Variants in SAR1B observed in about 807,000 individuals in gnomAD.
SAR1B encodes small COPII coat GTPase SAR1B.
In SAR1B, 23 loss-of-function variants were observed where a neutral mutation model predicts 26.8. That is an observed-to-expected ratio of 0.86 (90% confidence interval 0.62 to 1.22). The LOEUF is 1.22. Among genes scored for constraint, SAR1B ranks in the 50% most tolerant of loss-of-function variants. The pLI is 0.00. For missense variants in SAR1B, 196 were observed against 232.8 expected, an observed-to-expected ratio of 0.84 and a Z score of 1.03; for synonymous variants, 65 against 80.8, an observed-to-expected ratio of 0.80 and a Z score of 1.05.
intron 3 of SAR1B, among the ~76,000 whole-genome samples, chr5:134,617,116 G>A (rs562413860): frequency 3.3e-5 from 5 of 152,000 alleles, no homozygotes; most frequent in East Asian, 3.9e-4. Flanking sequence ...CCTGTAGTTC[G>A]AGCTACTTGG....
chr5:134,611,668 A>T (rs747707958), intron 4 of SAR1B, among the ~76,000 whole-genome samples: 2 of 152,158 alleles, frequency 1.3e-5, no homozygotes, highest in African/African-American at 2.4e-5. Context: ...CATGTACACA[A>T]ATATACTAAG....
intron 2 of SAR1B, among the ~76,000 whole-genome samples, chr5:134,621,562 C>A (rs1345872770): frequency 6.6e-6 from 1 of 151,950 alleles, no homozygotes; most frequent in Non-Finnish European, 1.5e-5. Context: ...CAAACTTCAA[C>A]CCAGTCAATA....
chr5:134,616,967 C>T (rs556920943), intron 3 of SAR1B, among the ~76,000 whole-genome samples: 54 of 152,256 alleles, frequency 3.5e-4, no homozygotes, highest in Admixed American at 2.5e-3. Flanking sequence ...TATGGTGGCT[C>T]ACACTTGTAA....
chr5:134,607,210 C>A, intron 6 of SAR1B, 144 bp from the exon 7 acceptor site: 1 of 705,604 alleles, frequency 1.4e-6, no homozygotes, highest in East Asian at 2.7e-5. Context: ...GCTTGGCATC[C>A]AAGCCCCATG....
At chr5:134,616,433 G>C (rs1310571899) in intron 3 of SAR1B, among the ~76,000 whole-genome samples, 1 of 140,300 alleles carries the variant, frequency 7.1e-6, no homozygotes, top group Non-Finnish European at 1.5e-5. Context: ...GCGAGACTTT[G>C]TCTCAAAAAA....
chr5:134,624,870 C>A (rs1008234893), intron 1 of SAR1B, among the ~76,000 whole-genome samples: 2 of 152,206 alleles, frequency 1.3e-5, no homozygotes, highest in Middle Eastern at 3.4e-3. Flanking sequence ...TCAAGTGATT[C>A]GCCTGCCTCA....
Position 134,612,729 on chromosome 5 carries a change from A to C in SAR1B, c.206T>G (p.Met69Arg), listed in dbSNP as rs1056753847. Reference sequence around the variant, plus strand: ...ACCCAGATCAAAAGTTGTAAACGTCATGCCAGCAATGGTCAGTTCTTCGGA... The same window carrying C: ...ACCCAGATCAAAAGTTGTAAACGTCCTGCCAGCAATGGTCAGTTCTTCGGA... The part of the protein sequence containing the change: ...PTSEELTIAG[M>R]TFTTFDLGGH... Residue 69 changes from methionine (M) to arginine (R), a missense_variant, in exon 4 of 7, where the codon ATG becomes AGG. Coordinates refer to ENST00000402673, the MANE Select transcript of SAR1B (RefSeq NM_016103.4). 1 of 1,586,512 alleles carries C rather than the reference A, an allele frequency of 6.3e-7. No individual in the cohort carries two copies. Among genetic ancestry groups the C allele is most frequent in the Non-Finnish European group, 8.6e-7 (1 of 1,165,952 alleles).
intron 5 of SAR1B, chr5:134,609,161 A>G (rs1445823463): frequency 8.8e-6 from 4 of 455,544 alleles, no homozygotes; most frequent in African/African-American, 2.0e-5. Flanking sequence ...AGGTAGCTAC[A>G]TATGCCTCTG....
intron 4 of SAR1B, among the ~76,000 whole-genome samples, chr5:134,612,117 GTTTT>G (rs1201510150): frequency 1.3e-5 from 2 of 152,106 alleles, no homozygotes; most frequent in Non-Finnish European, 2.9e-5. Flanking sequence ...GCCACTGAAG[GTTTT>G]TTTGTTTTGT....
chr5:134,611,723 C>T (rs191796090), intron 4 of SAR1B, among the ~76,000 whole-genome samples: 188 of 152,094 alleles, frequency 1.2e-3, no homozygotes, highest in African/African-American at 4.2e-3. Flanking sequence ...GAATGGCTTC[C>T]CAAGGGAGGT....
At position 134,609,679 on chromosome 5, in the gene SAR1B, CA is replaced by C. The variant is rs781069045; in HGVS notation, c.245-6del. The C allele has an allele frequency of 5.0e-6, 8 of 1,611,272 alleles. No homozygotes were observed. Among genetic ancestry groups the C allele is most frequent in the Non-Finnish European group, 6.8e-6 (8 of 1,177,450 alleles). ...AGTTTTTCCACACTCTTCGAGCTAA[CA>C]AAAACAATCAGGGGTTAGAGTTTAC... On this transcript the variant is annotated splice_region_variant and splice_polypyrimidine_tract_variant and intron_variant, in intron 4 of 6. Coordinates refer to ENST00000402673, the MANE Select transcript of SAR1B (RefSeq NM_016103.4).
intron 3 of SAR1B, among the ~76,000 whole-genome samples, chr5:134,615,211 A>T (rs899887869): frequency 6.6e-6 from 1 of 151,596 alleles, no homozygotes; most frequent in African/African-American, 2.4e-5. Context: ...AGCTGGGTGC[A>T]GCGGCAGGTG....
At position 134,603,147 on chromosome 5, in the gene SAR1B, A is replaced by C. The variant is rs539104044; in HGVS notation, c.*3803T>G. On this transcript the variant is annotated 3_prime_UTR_variant, in exon 7 of 7. Coordinates refer to ENST00000402673, the MANE Select transcript of SAR1B (RefSeq NM_016103.4). ...ACAATATGCTCCAAATTAAATGAAC[A>C]GAAGGAATTTTGAGAGATTTCCCCT... 1 of 152,370 alleles carries C rather than the reference A, an allele frequency of 6.6e-6. No homozygotes were observed. Among genetic ancestry groups the C allele is most frequent in the African/African-American group, 2.4e-5 (1 of 41,594 alleles). 9.4% of individuals were successfully genotyped at this position (152,370 alleles called of 1,614,324 possible). A position where few individuals can be genotyped will look rare whatever the true frequency, so the allele number is the denominator to read the frequency against.
intron 3 of SAR1B, among the ~76,000 whole-genome samples, chr5:134,619,118 T>A (rs903371564): frequency 6.6e-6 from 1 of 150,526 alleles, no homozygotes; most frequent in Non-Finnish European, 1.5e-5. Flanking sequence ...TCATCTGAGG[T>A]CGGGAGTTTG....
chr5:134,619,964 G>C (rs1047153958), intron 3 of SAR1B, among the ~76,000 whole-genome samples: 1 of 151,924 alleles, frequency 6.6e-6, no homozygotes, highest in African/African-American at 2.4e-5. Context: ...CTACATGACA[G>C]AGCAAGACCC....
In SAR1B at chr5:134,601,618, C is replaced by T. The variant is rs1260088983; in HGVS notation, c.*5332G>A. The T allele has an allele frequency of 1.3e-5, 2 of 152,156 alleles. No individual in the cohort carries two copies. The highest frequency in any genetic ancestry group is 2.9e-5 in the Non-Finnish European group (2 of 68,036). The allele number at this position is 152,156 out of a possible 1,614,324, so 9.4% of individuals were successfully genotyped here. ...AGCAACACCAGGGAATACAGAAACC[C>T]ACGTTAAGTTGGCCATTCTGACATG... On this transcript the variant is annotated 3_prime_UTR_variant, in exon 7 of 7. Coordinates refer to ENST00000402673, the MANE Select transcript of SAR1B (RefSeq NM_016103.4).
At chr5:134,622,767 T>G (rs1271539178) in intron 2 of SAR1B, among the ~76,000 whole-genome samples, 8 of 151,324 alleles carry the variant, frequency 5.3e-5, no homozygotes, top group Non-Finnish European at 1.0e-4. Context: ...ATAAGCACTA[T>G]TATATAAATA....
intron 3 of SAR1B, 120 bp from the exon 4 acceptor site, chr5:134,612,876 ACTT>A (rs1765243754): frequency 1.1e-6 from 1 of 899,434 alleles, no homozygotes; most frequent in Non-Finnish European, 1.7e-6. Flanking sequence ...ATAAATAGTA[ACTT>A]CTCTTAGAAG....
intron 4 of SAR1B, among the ~76,000 whole-genome samples, chr5:134,610,122 G>C (rs550546282): frequency 1.3e-5 from 2 of 151,786 alleles, no homozygotes; most frequent in South Asian, 2.1e-4. Context: ...TTTTGCCAGT[G>C]ATAAATTTGG....
Sources: gnomAD v4.1 joint callset for allele counts (sites outside exome capture counted in the v4.1 genomes callset) on GRCh38, gnomAD v4.1.1 for gene constraint, MANE v1.5 for transcripts, NCBI Gene and HGNC (gene_info 2026-07-23, HGNC 2026-07-21) for gene names.